The following NUS1 variants were observed in gnomAD, a reference collection of about 807,000 sequenced individuals.
The protein encoded by NUS1 is dehydrodolichyl diphosphate synthase complex subunit NUS1.
For missense variants in NUS1, 292 were observed against 382.9 expected (o/e 0.76, Z 1.98); for synonymous variants, 135 against 155.2 (o/e 0.87, Z 0.97).
chr6:117,680,452 GC>G (rs1448090549), intron 1 of NUS1, among the ~76,000 whole-genome samples: 1 of 152,092 alleles, frequency 6.6e-6, no homozygotes, highest in African/African-American at 2.4e-5. Flanking sequence ...TTATTTCCTG[GC>G]TTTATTGTGC....
At chr6:117,706,650 T>C (rs1773504732) in intron 4 of NUS1, among the ~76,000 whole-genome samples, 1 of 152,154 alleles carries the variant, frequency 6.6e-6, no homozygotes, top group African/African-American at 2.4e-5. Flanking sequence ...AGGGAATAGC[T>C]ATCTTCAATG....
chr6:117,698,707 GAC>G (rs1773355839), intron 3 of NUS1, among the ~76,000 whole-genome samples: 5 of 151,862 alleles, frequency 3.3e-5, no homozygotes, highest in Admixed American at 3.3e-4. Flanking sequence ...ACCAGACAAA[GAC>G]ACATCAAAAA....
intron 1 of NUS1, among the ~76,000 whole-genome samples, chr6:117,687,045 A>T (rs1773151834): frequency 6.6e-6 from 1 of 152,186 alleles, no homozygotes; most frequent in Non-Finnish European, 1.5e-5. Flanking sequence ...AATTCTCAGA[A>T]ACCATACCTT....
At chr6:117,688,739 T>C (rs1399672722) in intron 1 of NUS1, among the ~76,000 whole-genome samples, 1 of 152,238 alleles carries the variant, frequency 6.6e-6, no homozygotes, top group African/African-American at 2.4e-5. Context: ...GATGTTTGAA[T>C]GAACTAGAAA....
intron 1 of NUS1, among the ~76,000 whole-genome samples, chr6:117,691,129 C>A (rs1344547795): frequency 6.6e-6 from 1 of 152,026 alleles, no homozygotes; most frequent in Non-Finnish European, 1.5e-5. Context: ...ATCGCCTCGA[C>A]AAATTATGTA....
intron 4 of NUS1, among the ~76,000 whole-genome samples, chr6:117,704,949 T>C (rs1313784242): frequency 6.6e-6 from 1 of 152,132 alleles, no homozygotes. Context: ...TAAAGATACA[T>C]GTTTGGGGAT....
At chr6:117,677,868 T>G (rs1018691344) in intron 1 of NUS1, among the ~76,000 whole-genome samples, 1 of 151,968 alleles carries the variant, frequency 6.6e-6, no homozygotes, top group Non-Finnish European at 1.5e-5. Flanking sequence ...GGGAAAAAAA[T>G]AGGTGAAGCA....
At chr6:117,697,876 T>G (rs1460836342) in intron 3 of NUS1, among the ~76,000 whole-genome samples, 3 of 152,060 alleles carry the variant, frequency 2.0e-5, no homozygotes, top group Non-Finnish European at 4.4e-5. Flanking sequence ...TGTCAGCACA[T>G]GAAACATTCG....
At chr6:117,683,340 C>G (rs967705670) in intron 1 of NUS1, among the ~76,000 whole-genome samples, 1 of 152,150 alleles carries the variant, frequency 6.6e-6, no homozygotes, top group Non-Finnish European at 1.5e-5. Flanking sequence ...AATAAAATAG[C>G]TTAATGGCCT....
Position 117,707,003 on chromosome 6 carries a change from T to G in NUS1, c.870T>G (p.Arg290=), listed in dbSNP as rs529109392. The G allele has an allele frequency of 3.4e-5, 55 of 1,612,248 alleles. No homozygotes were observed. The highest frequency in any genetic ancestry group is 4.5e-5 in the Non-Finnish European group (53 of 1,178,676). Residue 290 remains arginine, a synonymous_variant, in exon 5 of 5, where the codon CGT becomes CGG. Coordinates refer to ENST00000368494, the MANE Select transcript of NUS1 (RefSeq NM_138459.5). ...GTCAATATGCAGCCTGTGAACAGCGTCTGGGAAAGTAGTGGTCATTGGTTG... is the reference window on the plus strand; with the variant it reads ...GTCAATATGCAGCCTGTGAACAGCGGCTGGGAAAGTAGTGGTCATTGGTTG... ...ALRQYAACEQ[R]LGK is the part of the protein sequence containing the mutation.
chr6:117,705,981 C>G (rs1773494340), intron 4 of NUS1, among the ~76,000 whole-genome samples: 1 of 152,096 alleles, frequency 6.6e-6, no homozygotes, highest in African/African-American at 2.4e-5. Context: ...GGCAGGAGTC[C>G]TTTCAAGGTA....
At chr6:117,677,620 T>G (rs544404061) in intron 1 of NUS1, among the ~76,000 whole-genome samples, 1 of 152,376 alleles carries the variant, frequency 6.6e-6, no homozygotes, top group Non-Finnish European at 1.5e-5. Flanking sequence ...GGCCAGACAG[T>G]AACGCTTACA....
At chr6:117,697,137 C>G (rs970049195) in intron 3 of NUS1, among the ~76,000 whole-genome samples, 1 of 151,676 alleles carries the variant, frequency 6.6e-6, no homozygotes, top group Non-Finnish European at 1.5e-5. Flanking sequence ...CTCATGGTAA[C>G]CTCCAATCAA....
chr6:117,686,106 A>G lies in NUS1; in HGVS notation c.416-6936A>G, dbSNP rs543115920. 1.6e-3 allele frequency among the ~76,000 whole-genome samples: 241 copies of G among 151,998 alleles called. 1 individual carries two copies. Among genetic ancestry groups the G allele is most frequent in the Middle Eastern group, 3.4e-3 (1 of 292 alleles). On this transcript the variant is annotated intron_variant, in intron 1 of 4. Transcript: ENST00000368494. ...GAAACCCCGTCTCTACTAAAAATAC[A>G]AAAAATTAGCCGGGCGTGGTGGTGG... is the stretch of plus-strand genomic sequence containing the variant.
At chr6:117,676,201 C>T in intron 1 of NUS1, 116 bp downstream of exon 1, 1 of 1,475,218 alleles carries the variant, frequency 6.8e-7, no homozygotes, top group Non-Finnish European at 9.1e-7. Context: ...AATCACAGCG[C>T]TAGCGCTTTC....
intron 3 of NUS1, among the ~76,000 whole-genome samples, chr6:117,702,860 A>G (rs370637286): frequency 6.6e-5 from 10 of 152,212 alleles, no homozygotes; most frequent in African/African-American, 2.4e-4. Flanking sequence ...GGATGTTAAC[A>G]ACTATTGGAA....
Position 117,681,928 on chromosome 6 carries a change from G to T in NUS1, c.415+5843G>T, listed in dbSNP as rs1388435116. Among the ~76,000 whole-genome samples the T allele has an allele frequency of 4.6e-5, 7 of 152,320 alleles. No homozygotes were observed. The East Asian group carries it at 9.7e-4, about 21-fold the overall frequency. ...GCTCACTGCGACCTCTGCCTCCGGGGTTCAAGCTATTCTCCTGCCTCAGCC... is the reference window on the plus strand; with the variant it reads ...GCTCACTGCGACCTCTGCCTCCGGGTTTCAAGCTATTCTCCTGCCTCAGCC... On this transcript the variant is annotated intron_variant, in intron 1 of 4. Coordinates refer to ENST00000368494, the MANE Select transcript of NUS1 (RefSeq NM_138459.5).
chr6:117,706,805 C>G, intron 4 of NUS1, 120 bp from the exon 5 acceptor site: 3 of 745,462 alleles, frequency 4.0e-6, no homozygotes, highest in Non-Finnish European at 4.8e-6. Flanking sequence ...ATGGTGCTGT[C>G]TGGTGGAGGA....
At chr6:117,695,611 A>G (rs6899715) in intron 3 of NUS1, among the ~76,000 whole-genome samples, 121,403 of 152,140 alleles carry the variant, frequency 0.8, 48,704 homozygotes, top group Non-Finnish European at 0.85. Context: ...AGGCATTGTA[A>G]GCTTAGGATA....
Sources: allele counts gnomAD v4.1 joint callset (sites outside exome capture counted in the v4.1 genomes callset), GRCh38; gene constraint gnomAD v4.1.1; transcripts MANE v1.5; gene names NCBI Gene and HGNC (gene_info 2026-07-23, HGNC 2026-07-21).